The following CLYBL variants were observed in gnomAD, a reference collection of about 807,000 sequenced individuals.
CLYBL encodes citramalyl-CoA lyase, mitochondrial.
In CLYBL, 31 loss-of-function variants were observed where a neutral mutation model predicts 38.9. That is an observed-to-expected ratio of 0.80 (90% CI 0.60 to 1.08). The LOEUF (loss-of-function observed/expected upper bound fraction) is 1.08. CLYBL is among the 50% of genes least tolerant of loss of function. CLYBL has a pLI of 0.00. For missense variants in CLYBL, 434 were observed against 411.6 expected, an observed-to-expected ratio of 1.05 and a Z score of -0.47; for synonymous variants, 171 against 158.6, an observed-to-expected ratio of 1.08 and a Z score of -0.59.
At chr13:99,875,011 C>T (rs949142634) in intron 7 of CLYBL, among the ~76,000 whole-genome samples, 7 of 152,242 alleles carry the variant, frequency 4.6e-5, no homozygotes, top group African/African-American at 1.4e-4. Context: ...GTTTTCCAGA[C>T]ATTCTCTTTG....
chr13:99,748,429 GTTTT>G (rs1165919560), intron 1 of CLYBL, among the ~76,000 whole-genome samples: 1,564 of 87,720 alleles, frequency 0.018, 37 homozygotes, highest in East Asian at 0.081. Flanking sequence ...CTAGTTTTGT[GTTTT>G]TTTTTTTTTT....
chr13:99,606,728 C>G lies in CLYBL; in HGVS notation c.33C>G (p.Arg11=), dbSNP rs1366268823. 2.7e-6 allele frequency: 4 copies of G among 1,487,620 alleles called. No individual in the cohort carries two copies. In the African/African-American group the frequency reaches 4.4e-5, roughly 16 times the overall value. The allele number at this position is 1,487,620 out of a possible 1,614,324, so 92.2% of individuals were successfully genotyped here. ...TACGTCTGCTGCGGAGGGCGGCGCGCGGAGCTGCGGCGGCGGCGCTGCTGA... is the reference window on the plus strand; with the variant it reads ...TACGTCTGCTGCGGAGGGCGGCGCGGGGAGCTGCGGCGGCGGCGCTGCTGA... The part of the protein sequence containing the change: MALRLLRRAA[R]GAAAAALLRL... The change falls in exon 1 of 9, where the codon CGC becomes CGG. Residue 11 remains arginine, a synonymous_variant. Transcript: ENST00000339105.
intron 1 of CLYBL, among the ~76,000 whole-genome samples, chr13:99,692,304 G>GT (rs964376591): frequency 2.6e-4 from 35 of 134,222 alleles, no homozygotes; most frequent in East Asian, 2.1e-3. Flanking sequence ...TTTTTTGTTT[G>GT]TTTTTTTGAG....
intron 1 of CLYBL, among the ~76,000 whole-genome samples, chr13:99,743,549 A>C (rs1301245179): frequency 6.6e-6 from 1 of 152,180 alleles, no homozygotes; most frequent in African/African-American, 2.4e-5. Flanking sequence ...CAAATGATTA[A>C]AATGTAGGCG....
At chr13:99,621,301 C>T (rs1272622604) in intron 1 of CLYBL, among the ~76,000 whole-genome samples, 1 of 152,110 alleles carries the variant, frequency 6.6e-6, no homozygotes, top group Non-Finnish European at 1.5e-5. Flanking sequence ...TTTCCATTTC[C>T]CCCCAGGCCG....
chr13:99,714,576 C>G (rs1409848717), intron 1 of CLYBL, among the ~76,000 whole-genome samples: 1 of 151,930 alleles, frequency 6.6e-6, no homozygotes, highest in African/African-American at 2.4e-5. Flanking sequence ...GAGACTGCGC[C>G]ACTGCACTTC....
intron 1 of CLYBL, among the ~76,000 whole-genome samples, chr13:99,668,674 C>G (rs1347227543): frequency 6.6e-6 from 1 of 152,118 alleles, no homozygotes; most frequent in Non-Finnish European, 1.5e-5. Context: ...AACTATCGCT[C>G]ATCACTGCTG....
chr13:99,803,039 C>T (rs1438580836), intron 2 of CLYBL, among the ~76,000 whole-genome samples: 1 of 152,128 alleles, frequency 6.6e-6, no homozygotes, highest in Admixed American at 6.6e-5. Context: ...GGTGGACTCT[C>T]AAGATCTATC....
intron 2 of CLYBL, among the ~76,000 whole-genome samples, chr13:99,780,342 C>T (rs950075222): frequency 6.6e-6 from 1 of 152,092 alleles, no homozygotes. Context: ...ATTTTAATTA[C>T]GTCTCCTATT....
intron 2 of CLYBL, among the ~76,000 whole-genome samples, chr13:99,844,798 A>G (rs1440142986): frequency 1.3e-5 from 2 of 152,172 alleles, no homozygotes; most frequent in African/African-American, 2.4e-5. Context: ...AGTCTTCCCC[A>G]TAGCCTGAGA....
At chr13:99,784,873 G>A (rs1566326031) in intron 2 of CLYBL, among the ~76,000 whole-genome samples, 1 of 152,052 alleles carries the variant, frequency 6.6e-6, no homozygotes, top group African/African-American at 2.4e-5. Flanking sequence ...TCCAAAACAA[G>A]GTACCCATCC....
At chr13:99,812,141 G>A (rs905382930) in intron 2 of CLYBL, among the ~76,000 whole-genome samples, 3 of 152,150 alleles carry the variant, frequency 2.0e-5, no homozygotes, top group African/African-American at 2.4e-5. Context: ...TTTTGCTCCA[G>A]GTTTTGGGGA....
chr13:99,859,674 A>C (rs1265980593), intron 3 of CLYBL, among the ~76,000 whole-genome samples: 1 of 152,206 alleles, frequency 6.6e-6, no homozygotes, highest in East Asian at 1.9e-4. Context: ...TCAGCCAATA[A>C]AAACCTGAAA....
chr13:99,873,120 C>G (rs879919794), intron 7 of CLYBL, among the ~76,000 whole-genome samples: 3 of 152,084 alleles, frequency 2.0e-5, no homozygotes, highest in Non-Finnish European at 4.4e-5. Flanking sequence ...AGCAAATTCT[C>G]CTGGTGTTTT....
At chr13:99,765,038 T>C (rs1248407504) in intron 1 of CLYBL, among the ~76,000 whole-genome samples, 1 of 151,908 alleles carries the variant, frequency 6.6e-6, no homozygotes, top group African/African-American at 2.4e-5. Context: ...TTAAATGTTT[T>C]TCTTTTCTTT....
chr13:99,732,646 A>G, intron 1 of CLYBL, among the ~76,000 whole-genome samples: 1 of 152,208 alleles, frequency 6.6e-6, no homozygotes, highest in East Asian at 1.9e-4. Context: ...CAGGGAACAT[A>G]CCTATTAACT....
At chr13:99,837,428 G>A (rs961896768) in intron 2 of CLYBL, among the ~76,000 whole-genome samples, 1 of 152,100 alleles carries the variant, frequency 6.6e-6, no homozygotes, top group Non-Finnish European at 1.5e-5. Context: ...CTCCAGCCTG[G>A]GTGACAGAGC....
chr13:99,834,628 G>C (rs1161592154), intron 2 of CLYBL, among the ~76,000 whole-genome samples: 1 of 152,066 alleles, frequency 6.6e-6, no homozygotes, highest in Non-Finnish European at 1.5e-5. Flanking sequence ...CCTTCCTCGA[G>C]GGTGTGGGCT....
At chr13:99,630,446 A>G (rs1427181067) in intron 1 of CLYBL, among the ~76,000 whole-genome samples, 1 of 152,162 alleles carries the variant, frequency 6.6e-6, no homozygotes, top group South Asian at 2.1e-4. Context: ...TAACACAGGC[A>G]CCAGAGGGTT....
Sources: allele counts gnomAD v4.1 joint callset (sites outside exome capture counted in the v4.1 genomes callset), GRCh38; gene constraint gnomAD v4.1.1; transcripts MANE v1.5; gene names NCBI Gene and HGNC (gene_info 2026-07-23, HGNC 2026-07-21).